FBXL7: variants seen among roughly 807,000 people sequenced by gnomAD.
The protein encoded by FBXL7 is F-box/LRR-repeat protein 7.
Under a neutral mutation model 38.3 loss-of-function variants are expected in FBXL7, and 12 were observed. That is an observed-to-expected ratio of 0.31 (90% CI 0.20 to 0.51). The LOEUF (loss-of-function observed/expected upper bound fraction) is 0.51. FBXL7 is among the 20% of genes least tolerant of loss of function. The pLI, the probability that FBXL7 is intolerant of heterozygous loss-of-function variation, is 0.98. For missense variants in FBXL7, 567 were observed against 676.4 expected, an observed-to-expected ratio of 0.84 and a Z score of 1.79; for synonymous variants, 297 against 300.9, an observed-to-expected ratio of 0.99 and a Z score of 0.13.
intron 2 of FBXL7, among the ~76,000 whole-genome samples, chr5:15,785,175 T>G (rs1460430070): frequency 1.3e-5 from 2 of 152,184 alleles, no homozygotes; most frequent in African/African-American, 4.8e-5. Context: ...AACTTCCCAT[T>G]GCCACATGTA....
intron 2 of FBXL7, among the ~76,000 whole-genome samples, chr5:15,651,667 G>A (rs1474760268): frequency 6.6e-6 from 1 of 152,158 alleles, no homozygotes; most frequent in African/African-American, 2.4e-5. Flanking sequence ...CATTTCTAGA[G>A]CACAGACAGA....
At chr5:15,925,430 GC>G (rs1741855907) in intron 2 of FBXL7, among the ~76,000 whole-genome samples, 1 of 152,188 alleles carries the variant, frequency 6.6e-6, no homozygotes, top group Admixed American at 6.5e-5. Flanking sequence ...ATGCACATAA[GC>G]CATTCTCAGT....
chr5:15,830,392 G>C (rs1183984940), intron 2 of FBXL7, among the ~76,000 whole-genome samples: 1 of 151,926 alleles, frequency 6.6e-6, no homozygotes, highest in Non-Finnish European at 1.5e-5. Flanking sequence ...GCCAAGGCTG[G>C]AGAATCACTG....
chr5:15,824,237 A>C (rs1404818225), intron 2 of FBXL7, among the ~76,000 whole-genome samples: 1 of 150,266 alleles, frequency 6.7e-6, no homozygotes, highest in Admixed American at 6.7e-5. Context: ...AGGAGGTTGC[A>C]GTGGGCAGAG....
chr5:15,715,773 A>G (rs1480638134), intron 2 of FBXL7, among the ~76,000 whole-genome samples: 2 of 152,188 alleles, frequency 1.3e-5, no homozygotes, highest in Non-Finnish European at 2.9e-5. Flanking sequence ...TGTGCTTCAT[A>G]ATAGCCTGGA....
chr5:15,899,308 C>T (rs1451460034), intron 2 of FBXL7, among the ~76,000 whole-genome samples: 1 of 152,142 alleles, frequency 6.6e-6, no homozygotes. Context: ...TCAGGTGATC[C>T]GCCTGCCTCG....
At chr5:15,710,297 T>A (rs1743821571) in intron 2 of FBXL7, among the ~76,000 whole-genome samples, 1 of 152,154 alleles carries the variant, frequency 6.6e-6, no homozygotes, top group African/African-American at 2.4e-5. Context: ...TCTTGCACAC[T>A]CTGCTCCTTC....
At chr5:15,844,465 C>T (rs979434380) in intron 2 of FBXL7, among the ~76,000 whole-genome samples, 1 of 152,224 alleles carries the variant, frequency 6.6e-6, no homozygotes, top group African/African-American at 2.4e-5. Context: ...GACAGTTCCC[C>T]AGGCTTCTTT....
At chr5:15,638,924 G>T (rs1741271844) in intron 2 of FBXL7, among the ~76,000 whole-genome samples, 1 of 152,098 alleles carries the variant, frequency 6.6e-6, no homozygotes, top group African/African-American at 2.4e-5. Flanking sequence ...TTTTTACTGA[G>T]CTCAACCCTG....
At chr5:15,798,813 A>G (rs1737482027) in intron 2 of FBXL7, among the ~76,000 whole-genome samples, 1 of 152,158 alleles carries the variant, frequency 6.6e-6, no homozygotes, top group South Asian at 2.1e-4. Context: ...TTCTGAGAGA[A>G]TGTGGTCGTC....
At chr5:15,521,528 CTTGTCCATTACTCTGCA>C (rs1202298533) in intron 1 of FBXL7, among the ~76,000 whole-genome samples, 5 of 152,166 alleles carry the variant, frequency 3.3e-5, no homozygotes, top group Non-Finnish European at 7.4e-5. Flanking sequence ...TAGTCTAGCC[CTTGTCCATTACTCTGCA>C]TTGTGTATTT....
rs116710098 is a variant in FBXL7, at chr5:15,883,309, G to A, written c.128-44581G>A. On this transcript the variant is annotated intron_variant, in intron 2 of 3. Transcript: ENST00000504595. ...ACAGAGAAGTTTTAAGGTTTGATTT[G>A]TTTTTCTTTAATTTTTGTTTTTTCT... Among the ~76,000 whole-genome samples, 776 of 152,134 alleles carry A rather than the reference G, an allele frequency of 5.1e-3. 4 individuals carry two copies. Among genetic ancestry groups the A allele is most frequent in the African/African-American group, 0.018 (732 of 41,508 alleles).
At chr5:15,926,479 T>C (rs2126455270) in intron 2 of FBXL7, among the ~76,000 whole-genome samples, 1 of 149,576 alleles carries the variant, frequency 6.7e-6, no homozygotes, top group East Asian at 1.9e-4. Context: ...TGGTTATATA[T>C]AATATACATT....
At chr5:15,662,283 G>A (rs1742110786) in intron 2 of FBXL7, among the ~76,000 whole-genome samples, 1 of 152,122 alleles carries the variant, frequency 6.6e-6, no homozygotes, top group Non-Finnish European at 1.5e-5. Context: ...TTTATCAGCT[G>A]CATGTATGTC....
At chr5:15,604,443 C>T (rs1193544767) in intron 1 of FBXL7, among the ~76,000 whole-genome samples, 2 of 109,588 alleles carry the variant, frequency 1.8e-5, no homozygotes, top group Non-Finnish European at 4.4e-5. Flanking sequence ...CAACTTCTAC[C>T]CCCCGGGTTA....
intron 2 of FBXL7, among the ~76,000 whole-genome samples, chr5:15,670,172 A>G (rs930259282): frequency 1.3e-5 from 2 of 152,218 alleles, no homozygotes; most frequent in African/African-American, 2.4e-5. Context: ...ATTTAATTGC[A>G]TAGAGCAATC....
chr5:15,784,081 G>A (rs184787018), intron 2 of FBXL7, among the ~76,000 whole-genome samples: 64 of 152,208 alleles, frequency 4.2e-4, no homozygotes, highest in African/African-American at 1.5e-3. Flanking sequence ...AGTAGTTCTG[G>A]GTGGCCACAT....
At chr5:15,933,945 A>G (rs768590636) in intron 3 of FBXL7, among the ~76,000 whole-genome samples, 4 of 152,238 alleles carry the variant, frequency 2.6e-5, no homozygotes, top group South Asian at 2.1e-4. Flanking sequence ...AATGAAATAC[A>G]TAAAAATATA....
chr5:15,503,700 G>C (rs557774988), intron 1 of FBXL7, among the ~76,000 whole-genome samples: 1 of 152,188 alleles, frequency 6.6e-6, no homozygotes, highest in South Asian at 2.1e-4. Flanking sequence ...CGAATTGTTC[G>C]TTGCTCAATT....
Sources: allele counts gnomAD v4.1 joint callset (sites outside exome capture counted in the v4.1 genomes callset), GRCh38; gene constraint gnomAD v4.1.1; transcripts MANE v1.5; gene names NCBI Gene and HGNC (gene_info 2026-07-23, HGNC 2026-07-21).